ZC3H12B: variants seen among roughly 807,000 people sequenced by gnomAD.
ZC3H12B encodes probable ribonuclease ZC3H12B.
A neutral mutation model predicts 43.9 loss-of-function variants in ZC3H12B; 7 were observed. The ratio of observed to expected loss-of-function variants is 0.16; its 90% confidence interval spans 0.09 to 0.30. The LOEUF is 0.30. Among genes scored for constraint, ZC3H12B ranks in the 10% least tolerant of loss-of-function variants. The pLI is 1.00. For missense variants in ZC3H12B, 475 were observed against 670.2 expected (o/e 0.71, Z 3.22); for synonymous variants, 222 against 241.7 (o/e 0.92, Z 0.76).
the ZC3H12B span, among the ~76,000 whole-genome samples, chrX:65,148,640 T>C: frequency 9.0e-6 from 1 of 111,002 alleles, no homozygotes; most frequent in Non-Finnish European, 1.9e-5. Flanking sequence ...CCTCTTCTTC[T>C]CCCAAGCAGA....
At chrX:65,408,403 T>G in intron 3 of ZC3H12B, 1 of 1,204,869 alleles carries the variant, frequency 8.3e-7, no homozygotes, top group Non-Finnish European at 1.1e-6. Flanking sequence ...TGGCCCAGGC[T>G]GTCGAACGTG....
At chrX:65,485,543 A>G (rs1464420292), upstream of ZC3H12B, among the ~76,000 whole-genome samples, 1 of 112,701 alleles carries the variant, frequency 8.9e-6, no homozygotes, top group Admixed American at 9.3e-5. Context: ...GGCTTGAACT[A>G]CTGTGCCCAG....
the ZC3H12B span, among the ~76,000 whole-genome samples, chrX:65,299,292 G>T: frequency 2.7e-5 from 3 of 111,569 alleles, no homozygotes; most frequent in African/African-American, 9.8e-5. Flanking sequence ...ATTTTGTGAG[G>T]CCGTCATTAC....
At chrX:65,469,830 G>T (rs1047843771) in intron 3 of ZC3H12B, among the ~76,000 whole-genome samples, 4 of 111,467 alleles carry the variant, frequency 3.6e-5, no homozygotes, top group Admixed American at 2.9e-4. Flanking sequence ...AATTATCTGG[G>T]TGTGGACACG....
chrX:65,370,727 C>T (rs1199708348), intron 2 of ZC3H12B, among the ~76,000 whole-genome samples: 1 of 111,857 alleles, frequency 8.9e-6, no homozygotes, highest in Admixed American at 9.5e-5. Context: ...GAATTGCCTT[C>T]TAGGTCATTC....
At chrX:65,343,096 C>T in the ZC3H12B span, among the ~76,000 whole-genome samples, 80 of 111,121 alleles carry the variant, frequency 7.2e-4, no homozygotes, top group East Asian at 0.015. Flanking sequence ...GACACATACA[C>T]CCTCCCAAAA....
the ZC3H12B span, among the ~76,000 whole-genome samples, chrX:65,230,389 TG>T: frequency 1.9e-5 from 2 of 105,517 alleles, no homozygotes; most frequent in Middle Eastern, 4.3e-3. Context: ...TGTTGTGGGA[TG>T]GGGGGAAGGG....
At chrX:65,368,848 A>G (rs977415931) in exon 2 of ZC3H12B, 1 of 112,338 alleles carries the variant, frequency 8.9e-6, no homozygotes, top group Non-Finnish European at 1.9e-5. Flanking sequence ...TCCTTTTGGC[A>G]TTTCTGCCTC....
chrX:65,308,857 T>C, the ZC3H12B span, among the ~76,000 whole-genome samples: 1 of 112,008 alleles, frequency 8.9e-6, no homozygotes, highest in East Asian at 2.8e-4. Flanking sequence ...CACAGCTACA[T>C]GGAAACTGAA....
chrX:65,121,628 G>GC, the ZC3H12B span, among the ~76,000 whole-genome samples: 127 of 111,024 alleles, frequency 1.1e-3, no homozygotes, highest in African/African-American at 4.0e-3. Flanking sequence ...TTTTTTGAAG[G>GC]GTTTTTGTGT....
chrX:65,245,789 C>A, the ZC3H12B span, among the ~76,000 whole-genome samples: 1 of 111,233 alleles, frequency 9.0e-6, no homozygotes, highest in African/African-American at 3.3e-5. Context: ...GGGCACAAGA[C>A]AATGATGCCT....
At chrX:65,201,570 T>A in the ZC3H12B span, among the ~76,000 whole-genome samples, 2 of 110,650 alleles carry the variant, frequency 1.8e-5, no homozygotes, top group African/African-American at 6.6e-5. Context: ...ATCTTGGTTA[T>A]TTTTTTGTCT....
chrX:65,326,415 A>T, the ZC3H12B span, among the ~76,000 whole-genome samples: 2 of 111,436 alleles, frequency 1.8e-5, no homozygotes, highest in African/African-American at 3.2e-5. Context: ...ACAGAAAGAC[A>T]AATCCTGCAT....
At chrX:65,458,084 T>TAAAAAAAAAAAAAAAAAAAAAAA (rs2067659998) in intron 3 of ZC3H12B, among the ~76,000 whole-genome samples, 1 of 48,991 alleles carries the variant, frequency 2.0e-5, no homozygotes, top group African/African-American at 1.2e-4. Flanking sequence ...AAAAAAAAAA[T>TAAAAAAAAAAAAAAAAAAAAAAA]TAAAAAAAAA....
the ZC3H12B span, among the ~76,000 whole-genome samples, chrX:65,308,414 G>T: frequency 9.0e-6 from 1 of 111,146 alleles, no homozygotes; most frequent in Non-Finnish European, 1.9e-5. Context: ...ATGGTAAAGG[G>T]ATCAATTAAA....
rs73629439 is a variant in ZC3H12B at position 65,395,954 on chromosome X, G to C, written n.296-2639G>C. 7.2e-3 allele frequency among the ~76,000 whole-genome samples: 804 copies of C among 111,513 alleles called. 6 individuals are homozygous for C. Among genetic ancestry groups the C allele is most frequent in the African/African-American group, 0.025 (770 of 30,659 alleles). ...TCCAGGAATTTATTGATTTCTTCTA[G>C]GTTTCCTAGTTTATTTGTGTAGAGG... On this transcript the variant is annotated intron_variant and non_coding_transcript_variant, in intron 2 of 5. Transcript: ENST00000617377.
At chrX:65,212,713 CAT>C in the ZC3H12B span, among the ~76,000 whole-genome samples, 15 of 87,515 alleles carry the variant, frequency 1.7e-4, no homozygotes, top group Middle Eastern at 0.014. Context: ...ATTTATATAT[CAT>C]ATATATATCA....
At chrX:65,262,890 C>T in the ZC3H12B span, among the ~76,000 whole-genome samples, 35 of 110,488 alleles carry the variant, frequency 3.2e-4, no homozygotes, top group Admixed American at 2.9e-3. Flanking sequence ...CTCACTGTGC[C>T]TCACTCCCTC....
At chrX:65,373,187 T>A (rs2066271522) in intron 2 of ZC3H12B, among the ~76,000 whole-genome samples, 1 of 112,330 alleles carries the variant, frequency 8.9e-6, no homozygotes, top group African/African-American at 3.2e-5. Flanking sequence ...TAAACCACAA[T>A]GAGATACCAT....
Sources: allele counts gnomAD v4.1 joint callset (sites outside exome capture counted in the v4.1 genomes callset), GRCh38; gene constraint gnomAD v4.1.1; transcripts MANE v1.5; gene names NCBI Gene and HGNC (gene_info 2026-07-23, HGNC 2026-07-21).